The following IMMT variants were observed in gnomAD, a reference collection of about 807,000 sequenced individuals.
The protein encoded by IMMT is MICOS complex subunit MIC60.
IMMT carries 40 observed loss-of-function variants against 92.7 expected under a neutral mutation model. The ratio of observed to expected loss-of-function variants is 0.43; its 90% CI spans 0.34 to 0.56. The LOEUF is 0.56. IMMT is among the 20% of genes least tolerant of loss of function. IMMT has a pLI of 0.03. For synonymous variants in IMMT, 322 were observed against 336.1 expected (o/e 0.96, Z 0.46); for missense variants, 831 against 912.1 (o/e 0.91, Z 1.14).
intron 6 of IMMT, among the ~76,000 whole-genome samples, chr2:86,169,065 T>C (rs1438301666): frequency 1.3e-5 from 2 of 152,220 alleles, no homozygotes; most frequent in South Asian, 2.1e-4. Flanking sequence ...TGCAAATGCA[T>C]ATGTGTATAT....
intron 12 of IMMT, 88 bp downstream of exon 12, chr2:86,151,209 C>T: frequency 8.7e-7 from 1 of 1,149,642 alleles, no homozygotes; most frequent in Non-Finnish European, 1.3e-6. Flanking sequence ...TGAACCACTG[C>T]ACCCGGCTGA....
chr2:86,189,848 C>CA (rs914007142), intron 1 of IMMT, among the ~76,000 whole-genome samples: 1 of 152,048 alleles, frequency 6.6e-6, no homozygotes, highest in Non-Finnish European at 1.5e-5. Flanking sequence ...GTATATCCCA[C>CA]AAAAAAATCC....
intron 12 of IMMT, among the ~76,000 whole-genome samples, chr2:86,150,404 T>C (rs1420296298): frequency 6.6e-6 from 1 of 151,722 alleles, no homozygotes; most frequent in African/African-American, 2.4e-5. Flanking sequence ...GAAAAGGAGG[T>C]TAAGGAGTGG....
At chr2:86,191,344 C>A (rs1290764981) in intron 1 of IMMT, among the ~76,000 whole-genome samples, 63 of 121,748 alleles carry the variant, frequency 5.2e-4, no homozygotes, top group Middle Eastern at 4.2e-3. Flanking sequence ...GACCCTATCT[C>A]AAAAAAAAAA....
intron 1 of IMMT, chr2:86,195,056 T>C (rs1673437302): frequency 2.6e-6 from 1 of 389,066 alleles, no homozygotes; most frequent in African/African-American, 2.1e-5. Context: ...CCAGGATTGG[T>C]CCTGGACGGG....
At chr2:86,153,476 AG>A (rs2104735750) in intron 11 of IMMT, 83 bp downstream of exon 11, 1 of 689,320 alleles carries the variant, frequency 1.5e-6, no homozygotes, top group Non-Finnish European at 2.3e-6. Flanking sequence ...GCTTTGTGTA[AG>A]AATCATAGGC....
intron 10 of IMMT, among the ~76,000 whole-genome samples, chr2:86,155,116 G>T (rs1000142664): frequency 9.2e-5 from 14 of 152,118 alleles, no homozygotes; most frequent in African/African-American, 3.4e-4. Context: ...ACCCACCTCA[G>T]CCTCCCAAAG....
chr2:86,149,298 G>A (rs1573877386), intron 12 of IMMT, among the ~76,000 whole-genome samples: 1 of 152,278 alleles, frequency 6.6e-6, no homozygotes. Context: ...AAGGTCCCAA[G>A]ACAAAAGATA....
chr2:86,182,816 A>G (rs1290305702), intron 1 of IMMT, among the ~76,000 whole-genome samples: 1 of 151,186 alleles, frequency 6.6e-6, no homozygotes, highest in Non-Finnish European at 1.5e-5. Context: ...GTGTCACTCC[A>G]CTCCAGCCTG....
chr2:86,178,234 C>A (rs1011918591), intron 3 of IMMT, among the ~76,000 whole-genome samples: 5 of 148,870 alleles, frequency 3.4e-5, no homozygotes, highest in Non-Finnish European at 7.4e-5. Context: ...AGGAGAATGG[C>A]GTGAACCCGG....
chr2:86,159,722 A>G lies in IMMT; in HGVS notation c.897-51T>C, dbSNP rs1573898880. The G allele has an allele frequency of 2.7e-6, 4 of 1,480,026 alleles. No individual in the cohort carries two copies. The East Asian group carries it at 9.2e-5, about 34-fold the overall frequency. The allele number at this position is 1,480,026 out of a possible 1,614,324, so 91.7% of individuals were successfully genotyped here. On this transcript the variant is annotated intron_variant, in intron 8 of 14. Coordinates refer to ENST00000410111, the MANE Select transcript of IMMT (RefSeq NM_006839.3). ...AATATAACTTCTTGTCAACTGTATT[A>G]AAAAGTTTTGATGTCAGCACAGTAT...
At chr2:86,166,771 G>A (rs1446863890) in intron 6 of IMMT, 127 bp from the exon 7 acceptor site, 5 of 883,488 alleles carry the variant, frequency 5.7e-6, no homozygotes, top group Non-Finnish European at 8.3e-6. Context: ...CAAAATACAT[G>A]AGACTCAAAT....
At chr2:86,170,915 A>G (rs776305867) in intron 5 of IMMT, 71 bp from the exon 6 acceptor site, 1 of 1,218,922 alleles carries the variant, frequency 8.2e-7, no homozygotes, top group Non-Finnish European at 1.2e-6. Context: ...GGGATATAAA[A>G]AAAGCATCGT....
At position 86,144,221 on chromosome 2, in the gene IMMT, GA is replaced by G. The variant is rs1401202591; in HGVS notation, c.*46del. The G allele has an allele frequency of 6.2e-7, 1 of 1,601,136 alleles. No homozygotes were observed. Among genetic ancestry groups the G allele is most frequent in the Non-Finnish European group, 8.5e-7 (1 of 1,171,750 alleles). On this transcript the variant is annotated 3_prime_UTR_variant, in exon 15 of 15. Transcript: ENST00000410111. Reference sequence around the variant, plus strand: ...TGCGAACCCTTCATCTATCACTGCTGATTTCCTTTGACATGAAATATGACTT... The same window carrying G: ...TGCGAACCCTTCATCTATCACTGCTGTTTCCTTTGACATGAAATATGACTT...
intron 8 of IMMT, chr2:86,160,082 A>G (rs1379320125): frequency 6.5e-6 from 1 of 153,258 alleles, no homozygotes; most frequent in African/African-American, 2.4e-5. Context: ...GCTTTTCTGG[A>G]GTCAATACAC....
intron 10 of IMMT, 88 bp from the exon 11 acceptor site, chr2:86,153,662 CAA>C (rs1256244590): frequency 2.5e-6 from 2 of 811,704 alleles, no homozygotes; most frequent in South Asian, 2.1e-5. Context: ...TAAAAGGAAA[CAA>C]GAAGGAATCG....
rs200278699 is a variant in IMMT at position 86,144,705 on chromosome 2, C to T, written c.1840G>A (p.Ala614Thr). 2.0e-4 allele frequency: 315 copies of T among 1,613,926 alleles called. 1 individual carries two copies. In the African/African-American group the frequency reaches 3.6e-3, roughly 18 times the overall value. ...SDNEFTQALT[A>T]AIPPESLTRG... is the part of the protein sequence containing the mutation. ...GTCAGGGACTCTGGAGGGATAGCTG[C>T]GGTTAAAGCTTGGGTGAATTCATTA... Residue 614 changes from alanine (A) to threonine (T), a missense_variant, in exon 15 of 15, where the codon GCA becomes ACA. Ala to Thr is a moderately conservative substitution (Grantham distance 58). Transcript: ENST00000410111.
chr2:86,186,437 C>T (rs1156356317), intron 1 of IMMT, among the ~76,000 whole-genome samples: 1 of 152,160 alleles, frequency 6.6e-6, no homozygotes, highest in Admixed American at 6.5e-5. Flanking sequence ...CAAGGGCAGG[C>T]CTTTGTTACT....
intron 10 of IMMT, among the ~76,000 whole-genome samples, chr2:86,157,393 C>T (rs1265591126): frequency 6.6e-6 from 1 of 152,156 alleles, no homozygotes; most frequent in Non-Finnish European, 1.5e-5. Context: ...TACCTTCATT[C>T]CTTAGACCAG....
Sources: gnomAD v4.1 joint callset for allele counts (sites outside exome capture counted in the v4.1 genomes callset) on GRCh38, gnomAD v4.1.1 for gene constraint, MANE v1.5 for transcripts, NCBI Gene and HGNC (gene_info 2026-07-23, HGNC 2026-07-21) for gene names.